Variants in CHMP6 observed in about 807,000 individuals in gnomAD.
CHMP6 encodes charged multivesicular body protein 6, also known as chromatin-modifying protein 6.
A neutral mutation model predicts 32.8 loss-of-function variants in CHMP6; 10 were observed. The observed-to-expected ratio is 0.30, with a 90% CI of 0.19 to 0.52. The LOEUF is 0.52. CHMP6 is among the 20% of genes least tolerant of loss of function. CHMP6 has a pLI of 0.97. For synonymous variants in CHMP6, 123 were observed against 105.8 expected (o/e 1.16, Z -1.00); for missense variants, 269 against 263.8 (o/e 1.02, Z -0.14).
chr17:80,994,740 C>T, intron 2 of CHMP6, 50 bp downstream of exon 2: 1 of 875,872 alleles, frequency 1.1e-6, no homozygotes, highest in Admixed American at 2.8e-5. Context: ...GGGTGGGGGG[C>T]CCGGGCAGCG....
chr17:80,997,082 A>G lies in CHMP6; in HGVS notation c.414+10A>G. 1 of 1,612,850 alleles carries G rather than the reference A, an allele frequency of 6.2e-7. No individual in the cohort carries two copies. Among genetic ancestry groups the G allele is most frequent in the South Asian group, 1.1e-5 (1 of 90,974 alleles). On this transcript the variant is annotated intron_variant, in intron 5 of 7. Transcript: ENST00000325167. The stretch of plus-strand genomic sequence containing the variant: ...CGTGGAGTACCAGCGGGTAGGTGGC[A>G]CCCTGACCGGCCTGCCCCCAACTGT...
intron 6 of CHMP6, 112 bp downstream of exon 6, chr17:80,997,453 A>C: frequency 1.6e-6 from 1 of 612,444 alleles, no homozygotes; most frequent in Non-Finnish European, 2.6e-6. Flanking sequence ...CCTTTAAGTA[A>C]ATAGTCTGCG....
intron 3 of CHMP6, 29 bp downstream of exon 3, chr17:80,995,135 T>G (rs771013056): frequency 5.1e-6 from 8 of 1,575,732 alleles, no homozygotes; most frequent in Admixed American, 3.8e-5. Context: ...CGCCCTGGAG[T>G]GCAGGTGCAG....
At chr17:80,992,443 C>A (rs970139461) in intron 1 of CHMP6, among the ~76,000 whole-genome samples, 2 of 152,366 alleles carry the variant, frequency 1.3e-5, no homozygotes, top group Admixed American at 1.3e-4. Flanking sequence ...GGGCCGGAGC[C>A]CCGGCGGTGC....
intron 1 of CHMP6, 23 bp from the exon 2 acceptor site, chr17:80,994,558 C>G: frequency 6.4e-7 from 1 of 1,551,978 alleles, no homozygotes; most frequent in South Asian, 1.2e-5. Flanking sequence ...CTCGGTGACG[C>G]CAGGCCCTCT....
intron 1 of CHMP6, among the ~76,000 whole-genome samples, chr17:80,993,541 C>A (rs893319829): frequency 6.6e-6 from 1 of 152,242 alleles, no homozygotes; most frequent in South Asian, 2.1e-4. Flanking sequence ...CATGCGGAGT[C>A]TTAAAGAGGC....
chr17:80,999,912 T>A lies in CHMP6; in HGVS notation c.*759T>A, dbSNP rs995284470. 6.6e-6 allele frequency: 1 copy of A among 152,326 alleles called. No individual in the cohort carries two copies. Among genetic ancestry groups the A allele is most frequent in the African/African-American group, 2.4e-5 (1 of 41,570 alleles). 9.4% of individuals were successfully genotyped at this position (152,326 alleles called of 1,614,324 possible). ...TCCCCGCGGCTGGGGCTCATGGAAC[T>A]GCGAGACCCGGGACCCTCCTGCCCT... On this transcript the variant is annotated 3_prime_UTR_variant, in exon 8 of 8. Transcript: ENST00000325167.
At chr17:80,999,050 T>C in intron 7 of CHMP6, 48 bp from the exon 8 acceptor site, 1 of 1,610,286 alleles carries the variant, frequency 6.2e-7, no homozygotes, top group Non-Finnish European at 8.5e-7. Flanking sequence ...TGGAGGTCTC[T>C]GCCTGTGGGT....
At chr17:80,994,964 G>C (rs1345475433) in intron 2 of CHMP6, 55 bp from the exon 3 acceptor site, 9 of 1,475,762 alleles carry the variant, frequency 6.1e-6, no homozygotes, top group Non-Finnish European at 7.4e-6. Flanking sequence ...CTGTCGGCTG[G>C]GGTGGGGGGC....
Position 80,996,987 on chromosome 17 carries a change from C to G in CHMP6, c.349-20C>G. The G allele has an allele frequency of 6.2e-7, 1 of 1,609,780 alleles. No homozygotes were observed. On this transcript the variant is annotated intron_variant, in intron 4 of 7. Coordinates refer to ENST00000325167, the MANE Select transcript of CHMP6 (RefSeq NM_024591.5). ...ATTGGCCTCGCGACAGGGGTCAACA[C>G]CCATCACCCTCGTCCACAGGTGATG...
chr17:80,993,569 G>A (rs1002867969), intron 1 of CHMP6, among the ~76,000 whole-genome samples: 82 of 152,380 alleles, frequency 5.4e-4, no homozygotes, highest in African/African-American at 1.9e-3. Flanking sequence ...CCCTGACTGA[G>A]CTAATTCTCC....
rs199755726 is a variant in CHMP6 at position 80,997,333 on chromosome 17, A to G, written c.487A>G (p.Ile163Val). Residue 163 changes from isoleucine (I) to valine (V), a missense_variant, in exon 6 of 8, where the codon ATC becomes GTC. Transcript: ENST00000325167. ...EDAILEELSA[I>V]TQEQIELPEV... is the part of the protein sequence containing the mutation. ...CGCCATCCTGGAGGAGCTGAGCGCA[A>G]TCACTCAGGTAACGGCCCCCCCGGG... 39 of 1,256,750 alleles carry G rather than the reference A, an allele frequency of 3.1e-5. 1 individual carries two copies. In the African/African-American group the frequency reaches 5.0e-4, roughly 16 times the overall value. 77.8% of individuals were successfully genotyped at this position (1,256,750 alleles called of 1,614,324 possible).
In CHMP6 at chr17:80,999,179, G is replaced by A. The variant is rs754901979; in HGVS notation, c.*26G>A. 1.2e-5 allele frequency: 20 copies of A among 1,613,304 alleles called. No individual in the cohort carries two copies. The Admixed American group carries it at 2.0e-4, about 16-fold the overall frequency. On this transcript the variant is annotated 3_prime_UTR_variant, in exon 8 of 8. Coordinates refer to ENST00000325167, the MANE Select transcript of CHMP6 (RefSeq NM_024591.5). ...CGTGGCCTCGTCTTGTGGGACTCAC[G>A]GGGATGCCCCAGGGACTGTGGCCCA...
chr17:80,993,767 C>T (rs1234753928), intron 1 of CHMP6, among the ~76,000 whole-genome samples: 2 of 152,220 alleles, frequency 1.3e-5, no homozygotes, highest in Non-Finnish European at 2.9e-5. Flanking sequence ...GGTGTCCCTG[C>T]AGCCGGATGG....
rs2069670065 is a variant in CHMP6, at chr17:80,999,755, T to TC, written c.*604dup. ...GGGGCTTTCTTGCTGAATTGACGAC[T>TC]CCGAGAGCCCTGACTCCCGCCTTGC... is the stretch of plus-strand genomic sequence containing the variant. On this transcript the variant is annotated 3_prime_UTR_variant, in exon 8 of 8. Coordinates refer to ENST00000325167, the MANE Select transcript of CHMP6 (RefSeq NM_024591.5). 2 of 152,430 alleles carry TC rather than the reference T, an allele frequency of 1.3e-5. No homozygotes were observed. Among genetic ancestry groups the TC allele is most frequent in the Non-Finnish European group, 2.9e-5 (2 of 68,310 alleles). 9.4% of individuals were successfully genotyped at this position (152,430 alleles called of 1,614,324 possible).
chr17:80,997,656 C>T (rs1372545532), intron 6 of CHMP6, among the ~76,000 whole-genome samples: 2 of 152,078 alleles, frequency 1.3e-5, no homozygotes, highest in Non-Finnish European at 1.5e-5. Flanking sequence ...TGCTGACTCA[C>T]GTCCCACATA....
chr17:80,995,080 A>G lies in CHMP6; in HGVS notation c.235A>G (p.Asn79Asp), dbSNP rs1219563645. The G allele has an allele frequency of 6.2e-7, 1 of 1,602,760 alleles. No homozygotes were observed. The highest frequency in any genetic ancestry group is 2.3e-5 in the East Asian group (1 of 44,356). ...GGAGCAGCTCCTGGACAGGACGGAG[A>G]ACCAGATCAGCAGCCTGGAGGCCAT... ...YQEQLLDRTE[N>D]QISSLEAMVQ... The change falls in exon 3 of 8, where the codon AAC becomes GAC. Residue 79 changes from asparagine (N) to aspartate (D), a missense_variant. Coordinates refer to ENST00000325167, the MANE Select transcript of CHMP6 (RefSeq NM_024591.5).
At chr17:80,993,267 C>CTG (rs2069608524) in intron 1 of CHMP6, among the ~76,000 whole-genome samples, 1 of 149,846 alleles carries the variant, frequency 6.7e-6, no homozygotes. Context: ...CAAATGATTG[C>CTG]TTTTTTTTTT....
intron 6 of CHMP6, among the ~76,000 whole-genome samples, chr17:80,997,915 C>T (rs765632710): frequency 1.2e-4 from 19 of 152,268 alleles, no homozygotes; most frequent in Non-Finnish European, 2.6e-4. Context: ...GGGTCCGAGT[C>T]CTCCGGGGCC....
Sources: gnomAD v4.1 joint callset for allele counts (sites outside exome capture counted in the v4.1 genomes callset) on GRCh38, gnomAD v4.1.1 for gene constraint, MANE v1.5 for transcripts, NCBI Gene and HGNC (gene_info 2026-07-23, HGNC 2026-07-21) for gene names.